The following MICAL3 variants were observed in gnomAD, a reference collection of about 807,000 sequenced individuals.
MICAL3 encodes [F-actin]-monooxygenase MICAL3.
In MICAL3, 62 loss-of-function variants were observed where a neutral mutation model predicts 207.4. That is an observed-to-expected ratio of 0.30 (90% CI 0.24 to 0.37). The LOEUF (loss-of-function observed/expected upper bound fraction) is 0.37. MICAL3 is among the 10% of genes least tolerant of loss of function. The pLI, the probability that MICAL3 is intolerant of heterozygous loss-of-function variation, is 1.00. For missense variants in MICAL3, 2,368 were observed against 2,635.6 expected (o/e 0.90, Z 2.22); for synonymous variants, 1,077 against 1,069.3 (o/e 1.01, Z -0.14).
At chr22:18,008,594 A>T (rs879543309) in intron 1 of MICAL3, among the ~76,000 whole-genome samples, 1 of 152,364 alleles carries the variant, frequency 6.6e-6, no homozygotes, top group Admixed American at 6.5e-5. Flanking sequence ...TTTGGAACCA[A>T]CTTAATCTTC....
intron 19 of MICAL3, among the ~76,000 whole-genome samples, chr22:17,852,233 G>A (rs1235482227): frequency 6.6e-6 from 1 of 152,200 alleles, no homozygotes; most frequent in Non-Finnish European, 1.5e-5. Flanking sequence ...CCCTTGGCTA[G>A]CTGCAGATGT....
At position 17,871,797 on chromosome 22, in the gene MICAL3, C is replaced by T. The variant is rs762141797; in HGVS notation, c.2428+40G>A. The T allele has an allele frequency of 3.2e-6, 5 of 1,548,056 alleles. No individual in the cohort carries two copies. The Admixed American group carries it at 9.6e-5, about 30-fold the overall frequency. The stretch of plus-strand genomic sequence containing the variant: ...AGCTCAGATGGAAACACTGTCCAAG[C>T]ACAGTTTCTCAGTGGGGCCGGAGGC... On this transcript the variant is annotated intron_variant, in intron 17 of 31. Transcript: ENST00000441493.
chr22:17,982,237 A>G (rs1935945474), intron 1 of MICAL3, among the ~76,000 whole-genome samples: 1 of 152,250 alleles, frequency 6.6e-6, no homozygotes, highest in Non-Finnish European at 1.5e-5. Context: ...ACAGCCCCGC[A>G]GTGGCTTCAC....
intron 1 of MICAL3, among the ~76,000 whole-genome samples, chr22:17,923,750 C>G (rs1281351389): frequency 6.6e-6 from 1 of 152,250 alleles, no homozygotes; most frequent in African/African-American, 2.4e-5. Context: ...CCCAGTGTTC[C>G]CTAAGGGATA....
intron 29 of MICAL3, among the ~76,000 whole-genome samples, chr22:17,795,627 T>C (rs77264692): frequency 0.06 from 9,071 of 152,226 alleles, 566 homozygotes; most frequent in African/African-American, 0.16. Context: ...AAAGGGAGCA[T>C]CAGGTAAAGC....
intron 29 of MICAL3, among the ~76,000 whole-genome samples, chr22:17,792,916 G>C (rs915485028): frequency 8.5e-5 from 13 of 152,236 alleles, no homozygotes; most frequent in African/African-American, 2.9e-4. Context: ...ATTGCTTTCG[G>C]AGCGTCTCTG....
chr22:17,893,069 T>C (rs1273320250), intron 11 of MICAL3, among the ~76,000 whole-genome samples: 2 of 152,192 alleles, frequency 1.3e-5, no homozygotes, highest in African/African-American at 4.8e-5. Flanking sequence ...TTCAGAGCTA[T>C]TCAATCACCT....
At chr22:17,879,793 G>A (rs746877820) in intron 16 of MICAL3, among the ~76,000 whole-genome samples, 10 of 152,224 alleles carry the variant, frequency 6.6e-5, no homozygotes, top group Admixed American at 1.3e-4. Flanking sequence ...AGCAAAGGTG[G>A]GGAGGTGGGA....
At position 17,837,106 on chromosome 22, in the gene MICAL3, G is replaced by C. The variant is rs540537124; in HGVS notation, c.2801+4716C>G. 8.5e-5 allele frequency among the ~76,000 whole-genome samples: 13 copies of C among 152,368 alleles called. No homozygotes were observed. In the East Asian group the frequency reaches 2.5e-3, roughly 29 times the overall value. On this transcript the variant is annotated intron_variant, in intron 20 of 31. Transcript: ENST00000441493. ...CCCTCTCCTGCTGAGGAGGCGGCTG[G>C]AGAAGATGCACATCATGCAGCAGGC... is the stretch of plus-strand genomic sequence containing the variant.
chr22:18,002,548 G>C (rs956128830), intron 1 of MICAL3, among the ~76,000 whole-genome samples: 7 of 151,478 alleles, frequency 4.6e-5, no homozygotes, highest in South Asian at 2.1e-4. Flanking sequence ...CAGGAGAATC[G>C]CTTGAACCCA....
intron 1 of MICAL3, among the ~76,000 whole-genome samples, chr22:17,988,920 A>AGCAC (rs1921342150): frequency 6.6e-6 from 1 of 152,224 alleles, no homozygotes; most frequent in African/African-American, 2.4e-5. Flanking sequence ...GCCTTCACAC[A>AGCAC]ACAGCAGAGG....
chr22:17,897,958 A>G (rs9617636), intron 7 of MICAL3, among the ~76,000 whole-genome samples: 21,250 of 152,194 alleles, frequency 0.14, 3,112 homozygotes, highest in African/African-American at 0.38. Flanking sequence ...CTAAGTGGCC[A>G]TGATGGTCCT....
chr22:17,810,207 C>T (rs1037925614), intron 28 of MICAL3, among the ~76,000 whole-genome samples: 11 of 152,010 alleles, frequency 7.2e-5, no homozygotes, highest in Non-Finnish European at 1.6e-4. Flanking sequence ...GGACTACAGG[C>T]ACTTGCCACC....
intron 22 of MICAL3, among the ~76,000 whole-genome samples, chr22:17,827,326 G>A (rs1223468961): frequency 1.3e-5 from 2 of 152,148 alleles, no homozygotes; most frequent in African/African-American, 4.8e-5. Context: ...AACGTTTTAC[G>A]AAGTGAGGAA....
intron 1 of MICAL3, among the ~76,000 whole-genome samples, chr22:17,998,617 G>A (rs1922587668): frequency 6.6e-6 from 1 of 150,740 alleles, no homozygotes; most frequent in South Asian, 2.1e-4. Flanking sequence ...GAGCAGTGGC[G>A]TGATCTTGGC....
chr22:17,896,848 T>A lies in MICAL3; in HGVS notation c.1082A>T (p.Tyr361Phe). ...AAACATGGCCACATCGGGCTGCCCA[T>A]AGTGATTGATGGCAAAATCCAGAGA... ...LPSLDFAINH[Y>F]GQPDVAMFDF... The change falls in exon 8 of 32, where the codon TAT (tyrosine) becomes TTT (phenylalanine). Residue 361 changes from tyrosine (Y) to phenylalanine (F), a missense_variant. This residue lies in a region of MICAL3 where 400 missense variants were observed against 547.0 expected (regional missense o/e 0.73). Transcript: ENST00000441493. 6.2e-7 allele frequency: 1 copy of A among 1,614,094 alleles called. No individual in the cohort carries two copies. Among genetic ancestry groups the A allele is most frequent in the Non-Finnish European group, 8.5e-7 (1 of 1,180,026 alleles).
At chr22:17,962,740 A>G (rs1934969740) in intron 1 of MICAL3, among the ~76,000 whole-genome samples, 1 of 152,216 alleles carries the variant, frequency 6.6e-6, no homozygotes, top group Non-Finnish European at 1.5e-5. Context: ...AATGAGCTAC[A>G]CAGGGCGGCA....
rs1339967755 is a variant in MICAL3 at position 17,865,086 on chromosome 22, TTTATTTA to T, written c.2518-107_2518-101del. On this transcript the variant is annotated intron_variant, in intron 18 of 31. Transcript: ENST00000441493. ...ACAATCTGACACGCTGGTTTTAAATTTTATTTATTTATTTATTTATTTATTTATTTAT... is the reference window on the plus strand; with the variant it reads ...ACAATCTGACACGCTGGTTTTAAATTTTTATTTATTTATTTATTTATTTAT... 8 of 191,572 alleles carry T rather than the reference TTTATTTA, an allele frequency of 4.2e-5. No homozygotes were observed. In the African/African-American group the frequency reaches 9.0e-4, roughly 21 times the overall value. 11.9% of individuals were successfully genotyped at this position (191,572 alleles called of 1,614,324 possible). A position where few individuals can be genotyped will look rare whatever the true frequency, so the allele number is the denominator to read the frequency against.
chr22:17,864,907 C>G lies in MICAL3; in HGVS notation c.2597G>C (p.Arg866Thr), dbSNP rs1461324290. ...CAAGGAAGTGAGGCTACCTGGGGTT[C>G]TCTCAGTGGAGCTGGCCACGGCGTT... ...RANAVASSTE[R>T]TPGSGVNGLE... Residue 866 changes from arginine (R) to threonine (T), a missense_variant, in exon 19 of 32, where the codon AGA (arginine) becomes ACA (threonine). Coordinates refer to ENST00000441493, the MANE Select transcript of MICAL3 (RefSeq NM_015241.3). 5 of 1,613,810 alleles carry G rather than the reference C, an allele frequency of 3.1e-6. No homozygotes were observed. Among genetic ancestry groups the G allele is most frequent in the Non-Finnish European group, 4.2e-6 (5 of 1,179,864 alleles).
Sources: gnomAD v4.1 joint callset for allele counts (sites outside exome capture counted in the v4.1 genomes callset) on GRCh38, gnomAD v4.1.1 for gene constraint, gnomAD v4.1.1 regional missense constraint, MANE v1.5 for transcripts, NCBI Gene and HGNC (gene_info 2026-07-23, HGNC 2026-07-21) for gene names.